Variants in NETO2 observed in about 807,000 individuals in gnomAD.
The protein encoded by NETO2 is neuropilin and tolloid-like protein 2.
NETO2 carries 28 observed loss-of-function variants against 62.5 expected under a neutral mutation model. The ratio of observed to expected loss-of-function variants is 0.45; its 90% confidence interval spans 0.33 to 0.61. The LOEUF is 0.61. NETO2 is among the 20% of genes least tolerant of loss of function. The pLI is 0.02. For missense variants in NETO2, 548 were observed against 643.2 expected, an observed-to-expected ratio of 0.85 and a Z score of 1.60; for synonymous variants, 214 against 219.1, an observed-to-expected ratio of 0.98 and a Z score of 0.21.
At chr16:47,109,356 A>G in intron 7 of NETO2, 127 bp downstream of exon 7, 1 of 434,892 alleles carries the variant, frequency 2.3e-6, no homozygotes, top group Non-Finnish European at 4.0e-6. Flanking sequence ...CTTGCATTAA[A>G]AAGAGCTGTA....
chr16:47,116,844 T>C (rs1963933382), intron 6 of NETO2, among the ~76,000 whole-genome samples: 1 of 152,198 alleles, frequency 6.6e-6, no homozygotes, highest in South Asian at 2.1e-4. Context: ...TGGGCAGCTG[T>C]GTAGCTTTTA....
intron 7 of NETO2, among the ~76,000 whole-genome samples, chr16:47,101,134 A>T (rs935371913): frequency 2.6e-5 from 4 of 152,174 alleles, no homozygotes; most frequent in Non-Finnish European, 5.9e-5. Flanking sequence ...CTCGGATGCA[A>T]GGCTGGCTCA....
Position 47,082,969 on chromosome 16 carries a change from C to A in NETO2, c.*252G>T. 1 of 387,602 alleles carries A rather than the reference C, an allele frequency of 2.6e-6. No homozygotes were observed. The highest frequency in any genetic ancestry group is 4.6e-6 in the Non-Finnish European group (1 of 218,210). The allele number at this position is 387,602 out of a possible 1,614,324, so 24.0% of individuals were successfully genotyped here. A position where few individuals can be genotyped will look rare whatever the true frequency, so the allele number is the denominator to read the frequency against. On this transcript the variant is annotated 3_prime_UTR_variant, in exon 9 of 9. Transcript: ENST00000562435. ...ACCTCTTCTAATGCTCTTTAACTGGCAGTGCTTCCTATAAATGACACCAAG... is the reference window on the plus strand; with the variant it reads ...ACCTCTTCTAATGCTCTTTAACTGGAAGTGCTTCCTATAAATGACACCAAG...
chr16:47,142,575 T>TA (rs981713684), intron 1 of NETO2, among the ~76,000 whole-genome samples: 45 of 152,130 alleles, frequency 3.0e-4, no homozygotes, highest in Admixed American at 4.6e-4. Context: ...TCGAAATTTT[T>TA]AAAAAAAGAA....
chr16:47,141,159 T>A (rs1009317485), intron 1 of NETO2, among the ~76,000 whole-genome samples: 2 of 152,234 alleles, frequency 1.3e-5, no homozygotes, highest in Non-Finnish European at 2.9e-5. Context: ...AGAACTAAAA[T>A]TACTTTCTAC....
intron 7 of NETO2, among the ~76,000 whole-genome samples, chr16:47,108,709 A>G (rs983379025): frequency 6.6e-6 from 1 of 152,244 alleles, no homozygotes; most frequent in Non-Finnish European, 1.5e-5. Flanking sequence ...AAACTGGATC[A>G]TAAAAGGACC....
At chr16:47,137,129 T>TAGAA (rs1395341721) in intron 1 of NETO2, among the ~76,000 whole-genome samples, 2 of 152,178 alleles carry the variant, frequency 1.3e-5, no homozygotes, top group Non-Finnish European at 2.9e-5. Context: ...GTTAATCTGG[T>TAGAA]AGAATATATT....
chr16:47,143,547 G>A, intron 1 of NETO2, 32 bp downstream of exon 1: 1 of 1,221,972 alleles, frequency 8.2e-7, no homozygotes, highest in Non-Finnish European at 1.0e-6. Flanking sequence ...CCCGCAGGGG[G>A]CGCCGTCCGT....
At chr16:47,085,275 G>C (rs1343851917) in intron 8 of NETO2, among the ~76,000 whole-genome samples, 1 of 152,154 alleles carries the variant, frequency 6.6e-6, no homozygotes, top group Non-Finnish European at 1.5e-5. Context: ...ACATACTTCA[G>C]GCTAACCTCT....
At chr16:47,140,566 A>G (rs777812133) in intron 1 of NETO2, among the ~76,000 whole-genome samples, 1 of 152,244 alleles carries the variant, frequency 6.6e-6, no homozygotes. Context: ...AAGATAAACC[A>G]GATTGCAGTT....
At chr16:47,132,738 G>A (rs1419841738) in intron 1 of NETO2, among the ~76,000 whole-genome samples, 1 of 152,202 alleles carries the variant, frequency 6.6e-6, no homozygotes, top group South Asian at 2.1e-4. Flanking sequence ...ACTACTGCGT[G>A]AACTGGAGTT....
At chr16:47,140,850 CAAATTTAACCAGTTTCT>C (rs535057703) in intron 1 of NETO2, among the ~76,000 whole-genome samples, 1 of 152,200 alleles carries the variant, frequency 6.6e-6, no homozygotes, top group Non-Finnish European at 1.5e-5. Flanking sequence ...TGTTACATTA[CAAATTTAACCAGTTTCT>C]ACAGCTTGAA....
At chr16:47,098,816 T>C (rs899778676) in intron 7 of NETO2, among the ~76,000 whole-genome samples, 1 of 152,146 alleles carries the variant, frequency 6.6e-6, no homozygotes, top group Non-Finnish European at 1.5e-5. Flanking sequence ...CCCATCAGAC[T>C]AACAGCGATC....
chr16:47,103,207 G>A (rs1444035200), intron 7 of NETO2, among the ~76,000 whole-genome samples: 2 of 152,262 alleles, frequency 1.3e-5, no homozygotes, highest in East Asian at 1.9e-4. Flanking sequence ...ACCAAACACT[G>A]CATGTTCTCA....
At chr16:47,123,855 G>A (rs1312336960) in intron 4 of NETO2, among the ~76,000 whole-genome samples, 2 of 152,052 alleles carry the variant, frequency 1.3e-5, no homozygotes, top group East Asian at 1.9e-4. Flanking sequence ...CTGCCACCAC[G>A]CTCAGCTAAT....
intron 7 of NETO2, among the ~76,000 whole-genome samples, chr16:47,100,971 G>T (rs1963528547): frequency 6.6e-6 from 1 of 152,076 alleles, no homozygotes; most frequent in South Asian, 2.1e-4. Context: ...CATCATCCTG[G>T]TAACAAAACC....
rs552342124 is a variant in NETO2 at position 47,129,075 on chromosome 16, C to T, written c.232+149G>A. ...TCTGCTAGTATCTTGTTAATGTATT[C>T]AATATGCAGAAATACTTATCATTAC... On this transcript the variant is annotated intron_variant, in intron 3 of 8. Transcript: ENST00000562435. 54 of 761,430 alleles carry T rather than the reference C, an allele frequency of 7.1e-5. No homozygotes were observed. The South Asian group carries it at 9.3e-4, about 13-fold the overall frequency. The allele number at this position is 761,430 out of a possible 1,614,324, so 47.2% of individuals were successfully genotyped here. A position where few individuals can be genotyped will look rare whatever the true frequency, so the allele number is the denominator to read the frequency against.
Position 47,143,714 on chromosome 16 carries a change from T to G in NETO2, c.-102A>C. On this transcript the variant is annotated 5_prime_UTR_variant, in exon 1 of 9. An upstream start codon of the reference 5' UTR is lost. Coordinates refer to ENST00000562435, the MANE Select transcript of NETO2 (RefSeq NM_018092.5). ...CGGCGACGGCCCCACTCCGTCCCCATCGCCGGCCAGCAGCTGCCTCCCCGC... is the reference window on the plus strand; with the variant it reads ...CGGCGACGGCCCCACTCCGTCCCCAGCGCCGGCCAGCAGCTGCCTCCCCGC... The G allele has an allele frequency of 8.3e-7, 1 of 1,198,248 alleles. No homozygotes were observed. Among genetic ancestry groups the G allele is most frequent in the Non-Finnish European group, 1.0e-6 (1 of 963,384 alleles). 74.2% of individuals were successfully genotyped at this position (1,198,248 alleles called of 1,614,324 possible).
At chr16:47,084,736 G>C (rs1477476792) in intron 8 of NETO2, among the ~76,000 whole-genome samples, 1 of 152,168 alleles carries the variant, frequency 6.6e-6, no homozygotes, top group Non-Finnish European at 1.5e-5. Flanking sequence ...GTGCATGTGA[G>C]GGATATAGGC....
Sources: gnomAD v4.1 joint callset for allele counts (sites outside exome capture counted in the v4.1 genomes callset) on GRCh38, gnomAD v4.1.1 for gene constraint, MANE v1.5 for transcripts, NCBI Gene and HGNC (gene_info 2026-07-23, HGNC 2026-07-21) for gene names.